Variants in CDH13 observed in about 807,000 individuals in gnomAD.
CDH13 encodes cadherin 13.
Under a neutral mutation model 63.8 loss-of-function variants are expected in CDH13, and 24 were observed. The ratio of observed to expected loss-of-function variants is 0.38; its 90% CI spans 0.27 to 0.53. The LOEUF is 0.53. Among genes scored for constraint, CDH13 ranks in the 20% least tolerant of loss-of-function variants. The pLI is 0.85. For synonymous variants in CDH13, 503 were observed against 355.3 expected (o/e 1.42, Z -4.67); for missense variants, 1,049 against 903.1 (o/e 1.16, Z -2.07).
chr16:82,920,904 C>A (rs192444508), intron 2 of CDH13, among the ~76,000 whole-genome samples: 17 of 152,110 alleles, frequency 1.1e-4, no homozygotes, highest in Non-Finnish European at 1.9e-4. Flanking sequence ...TGAGTGAGCC[C>A]CATTCAATTT....
chr16:82,918,539 C>A (rs1196141159), intron 2 of CDH13, among the ~76,000 whole-genome samples: 4 of 136,558 alleles, frequency 2.9e-5, no homozygotes. Flanking sequence ...GACATAGTGT[C>A]ACTCTGTCAC....
chr16:83,395,953 C>T (rs1384803855), intron 6 of CDH13, among the ~76,000 whole-genome samples: 1 of 152,150 alleles, frequency 6.6e-6, no homozygotes, highest in Admixed American at 6.5e-5. Flanking sequence ...CTCCCTCCTC[C>T]CATCCTCCAC....
chr16:83,560,864 G>A (rs891983815), intron 7 of CDH13, among the ~76,000 whole-genome samples: 2 of 151,954 alleles, frequency 1.3e-5, no homozygotes, highest in African/African-American at 4.8e-5. Flanking sequence ...AGTAAGCCAT[G>A]GTGCTGTGGC....
intron 2 of CDH13, among the ~76,000 whole-genome samples, chr16:82,936,797 C>T (rs1402641286): frequency 6.6e-6 from 1 of 151,518 alleles, no homozygotes; most frequent in African/African-American, 2.4e-5. Context: ...ACTGCTTAGT[C>T]TTGTGTGCGT....
In CDH13 at chr16:83,799,608, A is replaced by C. The variant is rs1904304909; in HGVS notation, c.*4578A>C. On this transcript the variant is annotated 3_prime_UTR_variant, in exon 14 of 14. Coordinates refer to ENST00000567109, the MANE Select transcript of CDH13 (RefSeq NM_001257.5). ...AAAAAGCCACCTACCTTTTCTGTTT[A>C]CCAAATACTAAGAATAATAATCTAA... 6.6e-6 allele frequency: 1 copy of C among 152,184 alleles called. No homozygotes were observed. The highest frequency in any genetic ancestry group is 1.5e-5 in the Non-Finnish European group (1 of 68,040). 9.4% of individuals were successfully genotyped at this position (152,184 alleles called of 1,614,324 possible). A position where few individuals can be genotyped will look rare whatever the true frequency, so the allele number is the denominator to read the frequency against.
chr16:83,229,687 C>A (rs148211537), intron 5 of CDH13, among the ~76,000 whole-genome samples: 2 of 152,194 alleles, frequency 1.3e-5, no homozygotes, highest in East Asian at 3.9e-4. Flanking sequence ...TTTCTTTCTT[C>A]CAAAGGTGCA....
intron 3 of CDH13, among the ~76,000 whole-genome samples, chr16:83,080,767 T>C (rs1348627734): frequency 6.6e-6 from 1 of 152,204 alleles, no homozygotes; most frequent in African/African-American, 2.4e-5. Flanking sequence ...CAAGGAAGAT[T>C]ATTACATGAA....
chr16:82,695,942 G>A (rs1020222017), intron 1 of CDH13, among the ~76,000 whole-genome samples: 1 of 151,740 alleles, frequency 6.6e-6, no homozygotes, highest in African/African-American at 2.4e-5. Flanking sequence ...CTACTAGCCT[G>A]CCAAATGTAT....
At chr16:82,674,943 G>C (rs1180741766) in intron 1 of CDH13, among the ~76,000 whole-genome samples, 5 of 152,178 alleles carry the variant, frequency 3.3e-5, no homozygotes, top group Non-Finnish European at 7.3e-5. Context: ...ATATCAAAAA[G>C]CTATAATCTG....
At chr16:82,647,380 G>A (rs1478947729) in intron 1 of CDH13, among the ~76,000 whole-genome samples, 1 of 152,230 alleles carries the variant, frequency 6.6e-6, no homozygotes, top group Admixed American at 6.5e-5. Flanking sequence ...AAAAGCGGAT[G>A]CTGTGAGGAG....
intron 1 of CDH13, among the ~76,000 whole-genome samples, chr16:82,852,515 G>A (rs1021867145): frequency 6.6e-6 from 1 of 152,206 alleles, no homozygotes; most frequent in African/African-American, 2.4e-5. Context: ...TAGAAGACGT[G>A]AGAATCCTTC....
intron 3 of CDH13, among the ~76,000 whole-genome samples, chr16:83,034,917 T>C (rs2151478997): frequency 6.6e-6 from 1 of 152,184 alleles, no homozygotes; most frequent in African/African-American, 2.4e-5. Context: ...TCGACAAAAC[T>C]TGCCTGTGAT....
chr16:83,151,338 A>G (rs2036970949), intron 4 of CDH13, among the ~76,000 whole-genome samples: 1 of 152,174 alleles, frequency 6.6e-6, no homozygotes, highest in African/African-American at 2.4e-5. Context: ...ATGAATTAAC[A>G]TATTTGTGCT....
At chr16:83,464,122 G>A (rs557014135) in intron 6 of CDH13, among the ~76,000 whole-genome samples, 3 of 152,266 alleles carry the variant, frequency 2.0e-5, no homozygotes, top group Admixed American at 6.5e-5. Flanking sequence ...TATCTAGGCT[G>A]GAGTGCAGTG....
chr16:83,731,748 T>C (rs1911064499), intron 10 of CDH13, among the ~76,000 whole-genome samples: 1 of 152,206 alleles, frequency 6.6e-6, no homozygotes. Flanking sequence ...TGGATTCTTT[T>C]CTCGTCTTCT....
At chr16:82,810,972 C>G (rs1161904609) in intron 1 of CDH13, among the ~76,000 whole-genome samples, 1 of 152,100 alleles carries the variant, frequency 6.6e-6, no homozygotes, top group Admixed American at 6.6e-5. Context: ...GCCCTGGACC[C>G]TTCTCTCAGT....
intron 3 of CDH13, among the ~76,000 whole-genome samples, chr16:83,062,134 C>A (rs1369810114): frequency 6.6e-6 from 1 of 152,214 alleles, no homozygotes; most frequent in African/African-American, 2.4e-5. Context: ...TCTGGAAAGA[C>A]AGAGCCTGCT....
chr16:83,632,354 T>G (rs1222114747), intron 8 of CDH13, among the ~76,000 whole-genome samples: 1 of 152,150 alleles, frequency 6.6e-6, no homozygotes, highest in Non-Finnish European at 1.5e-5. Flanking sequence ...CACAAGTTCC[T>G]TAGATGCTTT....
intron 2 of CDH13, among the ~76,000 whole-genome samples, chr16:82,968,126 C>G (rs1200266161): frequency 5.3e-5 from 8 of 152,194 alleles, no homozygotes; most frequent in African/African-American, 1.9e-4. Flanking sequence ...AGTTTCATTA[C>G]TATGGTTTTA....
Sources: allele counts gnomAD v4.1 joint callset (sites outside exome capture counted in the v4.1 genomes callset), GRCh38; gene constraint gnomAD v4.1.1; transcripts MANE v1.5; gene names NCBI Gene and HGNC (gene_info 2026-07-23, HGNC 2026-07-21).